Variants in PCDH9 observed in about 807,000 individuals in gnomAD.
PCDH9 encodes protocadherin-9.
Under a neutral mutation model 70.6 loss-of-function variants are expected in PCDH9, and 24 were observed. The observed-to-expected ratio is 0.34, with a 90% CI of 0.25 to 0.48. The LOEUF (loss-of-function observed/expected upper bound fraction) is 0.48. Among genes scored for constraint, PCDH9 ranks in the 20% least tolerant of loss-of-function variants. The pLI is 0.99. For missense variants in PCDH9, 1,281 were observed against 1,503.6 expected, an observed-to-expected ratio of 0.85 and a Z score of 2.45; for synonymous variants, 562 against 558.5, an observed-to-expected ratio of 1.01 and a Z score of -0.09.
At chr13:66,744,645 A>G (rs956421739) in intron 3 of PCDH9, among the ~76,000 whole-genome samples, 3 of 152,104 alleles carry the variant, frequency 2.0e-5, no homozygotes, top group African/African-American at 7.2e-5. Context: ...ATACATATAT[A>G]TAATTTCCTC....
At chr13:66,973,072 T>C (rs949476080) in intron 2 of PCDH9, among the ~76,000 whole-genome samples, 1 of 151,960 alleles carries the variant, frequency 6.6e-6, no homozygotes. Flanking sequence ...GATGTAACCA[T>C]ACTCTGAAAC....
chr13:66,913,494 A>G lies in PCDH9; in HGVS notation c.3037-9889T>C, dbSNP rs115172643. Among the ~76,000 whole-genome samples the G allele has an allele frequency of 5.2e-3, 788 of 152,074 alleles. 6 individuals are homozygous for G. The highest frequency in any genetic ancestry group is 0.018 in the African/African-American group (746 of 41,532). On this transcript the variant is annotated intron_variant, in intron 2 of 4. Coordinates refer to ENST00000377865, the MANE Select transcript of PCDH9 (RefSeq NM_203487.3). ...ATGTTCCAGAATACCCTGGAAATGT[A>G]CCACCGGCTATGTAGGGGGTGTTGG...
chr13:66,548,935 T>C (rs1961343116), intron 4 of PCDH9, among the ~76,000 whole-genome samples: 1 of 152,140 alleles, frequency 6.6e-6, no homozygotes, highest in South Asian at 2.1e-4. Flanking sequence ...AGCTTATTTC[T>C]GATTTTTAAT....
chr13:67,113,195 A>G (rs1181392444), intron 2 of PCDH9, among the ~76,000 whole-genome samples: 6 of 152,204 alleles, frequency 3.9e-5, no homozygotes, highest in Non-Finnish European at 5.9e-5. Flanking sequence ...AATTCACAGT[A>G]TAATACAGTA....
chr13:66,316,499 C>T (rs1955653649), intron 4 of PCDH9, among the ~76,000 whole-genome samples: 1 of 152,148 alleles, frequency 6.6e-6, no homozygotes, highest in Non-Finnish European at 1.5e-5. Flanking sequence ...CCCTGTACTT[C>T]CCTGCTCTCC....
Position 66,778,248 on chromosome 13 carries a change from A to T in PCDH9, c.3138+125256T>A, listed in dbSNP as rs904284819. Reference sequence around the variant, plus strand: ...GTATACATATGTAACTAACCTGCACATTGTGCACACGTACCCTAAAACTTA... The same window carrying T: ...GTATACATATGTAACTAACCTGCACTTTGTGCACACGTACCCTAAAACTTA... On this transcript the variant is annotated intron_variant, in intron 3 of 4. Transcript: ENST00000377865. Among the ~76,000 whole-genome samples the T allele has an allele frequency of 5.9e-5, 9 of 152,136 alleles. 1 individual carries two copies. The South Asian group carries it at 1.9e-3, about 32-fold the overall frequency.
chr13:66,757,691 C>G (rs2079558154), intron 3 of PCDH9, among the ~76,000 whole-genome samples: 1 of 152,042 alleles, frequency 6.6e-6, no homozygotes, highest in Non-Finnish European at 1.5e-5. Context: ...AAAGGGAAAA[C>G]TTCTGACTAC....
At chr13:66,528,078 A>G (rs1960290561) in intron 4 of PCDH9, among the ~76,000 whole-genome samples, 1 of 152,180 alleles carries the variant, frequency 6.6e-6, no homozygotes, top group Non-Finnish European at 1.5e-5. Context: ...AGTAAATAAT[A>G]TATTGTTAAA....
At chr13:66,627,077 A>T (rs1211307261) in intron 4 of PCDH9, among the ~76,000 whole-genome samples, 1 of 151,872 alleles carries the variant, frequency 6.6e-6, no homozygotes, top group Non-Finnish European at 1.5e-5. Context: ...TTGAAAAAAT[A>T]CCTACTGGAA....
At chr13:66,758,175 C>G (rs1011450227) in intron 3 of PCDH9, among the ~76,000 whole-genome samples, 3 of 151,986 alleles carry the variant, frequency 2.0e-5, no homozygotes, top group Admixed American at 6.6e-5. Context: ...AGCTATTTAA[C>G]AAGTGTGTTA....
intron 4 of PCDH9, among the ~76,000 whole-genome samples, chr13:66,338,300 T>A (rs1234510081): frequency 6.6e-6 from 1 of 152,090 alleles, no homozygotes; most frequent in Non-Finnish European, 1.5e-5. Flanking sequence ...TCCTGAATCA[T>A]GTGCACTGGA....
intron 3 of PCDH9, among the ~76,000 whole-genome samples, chr13:66,902,829 A>G (rs1352459261): frequency 1.3e-5 from 2 of 151,804 alleles, no homozygotes; most frequent in Non-Finnish European, 3.0e-5. Flanking sequence ...AAAAAAATAC[A>G]TGAAAGATAG....
chr13:66,975,722 C>T (rs2083606982), intron 2 of PCDH9, among the ~76,000 whole-genome samples: 1 of 151,930 alleles, frequency 6.6e-6, no homozygotes, highest in South Asian at 2.1e-4. Flanking sequence ...GTGCCAGGAA[C>T]CAGATAACTA....
At position 67,218,101 on chromosome 13, in the gene PCDH9, C is replaced by T. The variant is rs545782944; in HGVS notation, c.3036+7304G>A. The T allele has an allele frequency of 3.3e-5, 5 of 152,104 alleles. No homozygotes were observed. In the East Asian group the frequency reaches 9.7e-4, roughly 29 times the overall value. 9.4% of individuals were successfully genotyped at this position (152,104 alleles called of 1,614,324 possible). On this transcript the variant is annotated intron_variant, in intron 2 of 4. Transcript: ENST00000377865. ...CATATTTAATAGGCACCTGCAATAC[C>T]AGCATTATACAAAGCTCTCTACTTT... is the stretch of plus-strand genomic sequence containing the variant.
chr13:67,179,804 T>G (rs1449383188), intron 2 of PCDH9, among the ~76,000 whole-genome samples: 1 of 152,104 alleles, frequency 6.6e-6, no homozygotes, highest in Admixed American at 6.6e-5. Flanking sequence ...TTCTTGGGTG[T>G]GTTATCATTA....
chr13:66,346,354 A>T (rs1189872867), intron 4 of PCDH9, among the ~76,000 whole-genome samples: 1 of 152,184 alleles, frequency 6.6e-6, no homozygotes, highest in Non-Finnish European at 1.5e-5. Flanking sequence ...CTTGACTAGG[A>T]ATTTGTGTGC....
chr13:66,815,464 A>G (rs538508144), intron 3 of PCDH9, among the ~76,000 whole-genome samples: 6 of 152,292 alleles, frequency 3.9e-5, no homozygotes, highest in South Asian at 4.1e-4. Flanking sequence ...ATAAAGACAC[A>G]CGCACAGGTA....
intron 2 of PCDH9, among the ~76,000 whole-genome samples, chr13:67,044,695 G>T (rs1194772953): frequency 6.6e-6 from 1 of 152,118 alleles, no homozygotes; most frequent in African/African-American, 2.4e-5. Flanking sequence ...GATAGGAAAA[G>T]GCTGTGATTA....
At chr13:66,533,931 CTA>C (rs1227437282) in intron 4 of PCDH9, among the ~76,000 whole-genome samples, 5 of 152,034 alleles carry the variant, frequency 3.3e-5, no homozygotes, top group African/African-American at 1.2e-4. Context: ...TTTGTTCTTT[CTA>C]TGTCTTTAGA....
Sources: gnomAD v4.1 joint callset for allele counts (sites outside exome capture counted in the v4.1 genomes callset) on GRCh38, gnomAD v4.1.1 for gene constraint, MANE v1.5 for transcripts, NCBI Gene and HGNC (gene_info 2026-07-23, HGNC 2026-07-21) for gene names.